The following PDE4D variants were observed in gnomAD, a reference collection of about 807,000 sequenced individuals.
The protein encoded by PDE4D is 3',5'-cyclic-AMP phosphodiesterase 4D.
PDE4D carries 24 observed loss-of-function variants against 87.4 expected under a neutral mutation model. That is an observed-to-expected ratio of 0.27 (90% CI 0.20 to 0.39). PDE4D has a LOEUF of 0.39. PDE4D is among the 10% of genes least tolerant of loss of function. PDE4D has a pLI of 1.00. For missense variants in PDE4D, 714 were observed against 1,041.0 expected, an observed-to-expected ratio of 0.69 and a Z score of 4.32; for synonymous variants, 384 against 383.2, an observed-to-expected ratio of 1.00 and a Z score of -0.02.
chr5:59,390,207 T>C (rs150070089), intron 1 of PDE4D, among the ~76,000 whole-genome samples: 7 of 152,284 alleles, frequency 4.6e-5, no homozygotes, highest in Non-Finnish European at 1.5e-5. Flanking sequence ...TTGCAACTTA[T>C]AATAGTTATT....
chr5:59,175,408 G>A (rs562515120), intron 5 of PDE4D, among the ~76,000 whole-genome samples: 11 of 151,530 alleles, frequency 7.3e-5, no homozygotes, highest in Non-Finnish European at 1.6e-4. Context: ...ATTGGGACAG[G>A]GTTATAGGAA....
chr5:59,852,919 A>G (rs1386510119), intron 1 of PDE4D, among the ~76,000 whole-genome samples: 2 of 152,020 alleles, frequency 1.3e-5, no homozygotes, highest in African/African-American at 4.8e-5. Context: ...TTAATAGATT[A>G]TATGTCTCTG....
In PDE4D at chr5:59,713,740, C is replaced by T. The variant is rs12188131; in HGVS notation, c.455+179428G>A. On this transcript the variant is annotated intron_variant, in intron 1 of 14. Transcript: ENST00000340635. Reference sequence around the variant, plus strand: ...TGGCCAGCAGTAGATGGGTACCCCACGAGCACGGAGAAAGCACTGAAGCAG... The same window carrying T: ...TGGCCAGCAGTAGATGGGTACCCCATGAGCACGGAGAAAGCACTGAAGCAG... Among the ~76,000 whole-genome samples the T allele has an allele frequency of 1.2e-3, 181 of 152,136 alleles. 1 individual carries two copies. Among genetic ancestry groups the T allele is most frequent in the Non-Finnish European group, 1.9e-3 (131 of 68,004 alleles).
At chr5:59,020,024 A>T (rs186980081) in intron 6 of PDE4D, among the ~76,000 whole-genome samples, 9 of 152,318 alleles carry the variant, frequency 5.9e-5, no homozygotes, top group Admixed American at 2.0e-4. Flanking sequence ...GTGAAAACCT[A>T]AAGACTGGGT....
chr5:60,351,951 G>A (rs533623040), intron 1 of PDE4D, among the ~76,000 whole-genome samples: 14 of 149,820 alleles, frequency 9.3e-5, no homozygotes, highest in East Asian at 3.9e-4. Context: ...GACTACAGGC[G>A]TGCACCACCA....
intron 1 of PDE4D, among the ~76,000 whole-genome samples, chr5:59,425,071 C>A (rs1184380341): frequency 6.6e-6 from 1 of 152,076 alleles, no homozygotes; most frequent in Non-Finnish European, 1.5e-5. Flanking sequence ...GAATAATAAG[C>A]CCTGAAAATG....
chr5:59,325,551 TA>T (rs1775493095), intron 1 of PDE4D, among the ~76,000 whole-genome samples: 1 of 152,186 alleles, frequency 6.6e-6, no homozygotes. Context: ...AAATGTAAGA[TA>T]ATATGGATAA....
At chr5:59,187,828 T>C (rs1743277723) in intron 3 of PDE4D, among the ~76,000 whole-genome samples, 1 of 152,208 alleles carries the variant, frequency 6.6e-6, no homozygotes, top group African/African-American at 2.4e-5. Context: ...ATGTTTGGTG[T>C]TAACTATTAT....
intron 1 of PDE4D, among the ~76,000 whole-genome samples, chr5:59,268,577 A>G (rs1337527670): frequency 2.6e-5 from 4 of 151,858 alleles, no homozygotes; most frequent in South Asian, 2.1e-4. Context: ...TTTCTAATAT[A>G]CCTTCAACCC....
intron 1 of PDE4D, among the ~76,000 whole-genome samples, chr5:59,880,507 A>C (rs538446948): frequency 4.7e-4 from 71 of 152,354 alleles, no homozygotes; most frequent in African/African-American, 1.6e-3. Flanking sequence ...TGGTCGAATC[A>C]GTTAAAACAA....
chr5:60,348,517 G>T (rs1758917551), intron 1 of PDE4D, among the ~76,000 whole-genome samples: 1 of 152,084 alleles, frequency 6.6e-6, no homozygotes, highest in Non-Finnish European at 1.5e-5. Flanking sequence ...ATTAGTCTTA[G>T]TAGAAAAAAA....
intron 1 of PDE4D, among the ~76,000 whole-genome samples, chr5:59,306,610 T>A (rs1771427484): frequency 6.6e-6 from 1 of 152,118 alleles, no homozygotes; most frequent in African/African-American, 2.4e-5. Flanking sequence ...CCATTCACAA[T>A]TGCTTCAAAG....
At chr5:60,514,688 T>C (rs1194984172) in intron 1 of PDE4D, among the ~76,000 whole-genome samples, 1 of 151,778 alleles carries the variant, frequency 6.6e-6, no homozygotes, top group Non-Finnish European at 1.5e-5. Context: ...ACTCTTTAAA[T>C]GTAATAAAAG....
intron 1 of PDE4D, among the ~76,000 whole-genome samples, chr5:59,849,389 A>G (rs1380748992): frequency 6.6e-6 from 1 of 152,056 alleles, no homozygotes; most frequent in East Asian, 1.9e-4. Flanking sequence ...AGAGACATGA[A>G]GTTTTAATAT....
At chr5:60,289,420 G>C (rs1395010446) in intron 1 of PDE4D, among the ~76,000 whole-genome samples, 2 of 152,120 alleles carry the variant, frequency 1.3e-5, no homozygotes, top group African/African-American at 4.8e-5. Context: ...TATAAATCAT[G>C]ATAATCTCTC....
chr5:59,216,086 G>C (rs1751194781), intron 1 of PDE4D, 118 bp from the exon 2 acceptor site: 1 of 655,356 alleles, frequency 1.5e-6, no homozygotes, highest in South Asian at 2.0e-5. Flanking sequence ...GAAAATTACA[G>C]CTAATTTCTG....
chr5:59,434,425 G>A (rs1052644386), intron 1 of PDE4D, among the ~76,000 whole-genome samples: 5 of 151,936 alleles, frequency 3.3e-5, no homozygotes, highest in Admixed American at 6.6e-5. Context: ...CCCAACCCTC[G>A]TGTTTTCTGC....
intron 1 of PDE4D, among the ~76,000 whole-genome samples, chr5:60,391,778 A>G (rs1450419121): frequency 6.6e-6 from 1 of 152,202 alleles, no homozygotes; most frequent in Non-Finnish European, 1.5e-5. Flanking sequence ...AAGATTCCAG[A>G]GATGAGAACA....
intron 5 of PDE4D, among the ~76,000 whole-genome samples, chr5:59,087,256 G>C (rs1370148585): frequency 1.3e-5 from 2 of 152,102 alleles, no homozygotes; most frequent in Non-Finnish European, 2.9e-5. Flanking sequence ...AGGCTGAGGT[G>C]GGATGATTGC....
Sources: allele counts gnomAD v4.1 joint callset (sites outside exome capture counted in the v4.1 genomes callset), GRCh38; gene constraint gnomAD v4.1.1; transcripts MANE v1.5; gene names NCBI Gene and HGNC (gene_info 2026-07-23, HGNC 2026-07-21).